Variants in OVCH1 observed in about 807,000 individuals in gnomAD.
The protein encoded by OVCH1 is ovochymase 1, also known as ovochymase-1.
A neutral mutation model predicts 138.4 loss-of-function variants in OVCH1; 139 were observed. The ratio of observed to expected loss-of-function variants is 1.00; its 90% CI spans 0.87 to 1.16. The LOEUF (loss-of-function observed/expected upper bound fraction) is 1.16. Ranked by LOEUF, OVCH1 falls within the 50% of genes most tolerant of loss-of-function variation. OVCH1 has a pLI of 0.00. For missense variants in OVCH1, 1,367 were observed against 1,357.9 expected (o/e 1.01, Z -0.11); for synonymous variants, 453 against 467.8 (o/e 0.97, Z 0.41).
intron 3 of OVCH1, among the ~76,000 whole-genome samples, chr12:29,418,344 T>C (rs1941059186): frequency 6.6e-6 from 1 of 152,202 alleles, no homozygotes; most frequent in African/African-American, 2.4e-5. Context: ...AATTCCTAAG[T>C]ATTTGGAGTA....
At chr12:29,451,373 T>C in exon 22 of OVCH1, 1 of 1,612,994 alleles carries the variant, frequency 6.2e-7, no homozygotes, top group Non-Finnish European at 8.5e-7. Flanking sequence ...TGTGTCTTTC[T>C]TCATAAATAA....
intron 3 of OVCH1, among the ~76,000 whole-genome samples, chr12:29,418,994 AC>A (rs1180443446): frequency 6.6e-6 from 1 of 152,094 alleles, no homozygotes. Flanking sequence ...TGCTGGGACT[AC>A]AAGCCCACAC....
chr12:29,445,366 GAAAGTCATTGAGT>G lies in OVCH1; in HGVS notation c.2780_2792del (p.Tyr927SerfsTer2). 6.2e-7 allele frequency: 1 copy of G among 1,610,848 alleles called. No individual in the cohort carries two copies. The highest frequency in any genetic ancestry group is 8.5e-7 in the Non-Finnish European group (1 of 1,177,556). Reference sequence around the variant, plus strand: ...CCCTCACCAGCGGTCCAGGACTCATGAAAGTCATTGAGTAAAGTCTTCTTCCATGTAATCCACC... The same window carrying G: ...CCCTCACCAGCGGTCCAGGACTCATGAAAGTCTTCTTCCATGTAATCCACC... On this transcript the variant is annotated frameshift_variant, in exon 23 of 28. Transcript: ENST00000318184. LOFTEE classifies it high-confidence loss of function.
intron 16 of OVCH1, among the ~76,000 whole-genome samples, chr12:29,470,419 C>T (rs978937785): frequency 6.6e-6 from 1 of 152,056 alleles, no homozygotes; most frequent in African/African-American, 2.4e-5. Flanking sequence ...CTCCCTGTGT[C>T]CATGTGTTCT....
chr12:29,417,787 G>C (rs1411439756), intron 3 of OVCH1, among the ~76,000 whole-genome samples: 3 of 147,696 alleles, frequency 2.0e-5, no homozygotes, highest in East Asian at 4.0e-4. Flanking sequence ...GTGTGTGTGT[G>C]TGTGTGTCTG....
chr12:29,405,137 TC>T, the OVCH1 span, among the ~76,000 whole-genome samples: 2 of 151,904 alleles, frequency 1.3e-5, no homozygotes, highest in South Asian at 4.2e-4. Flanking sequence ...ATTGACTAAT[TC>T]CTTTTGAGAA....
chr12:29,473,818 C>T (rs1942599166), intron 14 of OVCH1, among the ~76,000 whole-genome samples: 1 of 152,054 alleles, frequency 6.6e-6, no homozygotes, highest in Admixed American at 6.6e-5. Context: ...GGCAGATCCA[C>T]CCTTAATCTG....
intron 21 of OVCH1, among the ~76,000 whole-genome samples, chr12:29,453,550 A>G (rs139812122): frequency 1.4e-3 from 218 of 152,024 alleles, no homozygotes; most frequent in African/African-American, 5.0e-3. Context: ...ATTTTCTCCA[A>G]CCACAACCTT....
chr12:29,412,198 G>A (rs1266927177), downstream of OVCH1, among the ~76,000 whole-genome samples: 2 of 152,098 alleles, frequency 1.3e-5, no homozygotes, highest in Non-Finnish European at 2.9e-5. Context: ...GATTTTCCAG[G>A]TGCCTTCTTT....
intron 22 of OVCH1, among the ~76,000 whole-genome samples, chr12:29,447,265 G>A (rs1941643607): frequency 6.6e-6 from 1 of 151,900 alleles, no homozygotes; most frequent in African/African-American, 2.4e-5. Context: ...AGACCAGCCT[G>A]GGCAAAATAG....
At chr12:29,440,845 C>A (rs545579040) in intron 25 of OVCH1, 101 bp from the exon 26 acceptor site, 71 of 442,176 alleles carry the variant, frequency 1.6e-4, no homozygotes, top group Admixed American at 9.9e-4. Flanking sequence ...GATTTTTTAC[C>A]CACTCTGAGA....
At chr12:29,497,139 C>G (rs934440715) in intron 1 of OVCH1, among the ~76,000 whole-genome samples, 1 of 152,046 alleles carries the variant, frequency 6.6e-6, no homozygotes, top group Non-Finnish European at 1.5e-5. Context: ...TGTGGTGGTA[C>G]GTGCCTATGG....
At chr12:29,455,267 T>A in exon 20 of OVCH1, 1 of 1,612,750 alleles carries the variant, frequency 6.2e-7, no homozygotes, top group Middle Eastern at 1.7e-4. Flanking sequence ...TTTGATTGGA[T>A]CCAGTCCAAG....
At chr12:29,418,386 T>C (rs1941059522) in intron 3 of OVCH1, among the ~76,000 whole-genome samples, 1 of 152,242 alleles carries the variant, frequency 6.6e-6, no homozygotes, top group Non-Finnish European at 1.5e-5. Flanking sequence ...AATTAAAAAT[T>C]AATTTCTTTG....
downstream of OVCH1, chr12:29,426,156 A>G (rs1008624330): frequency 1.3e-5 from 2 of 152,254 alleles, no homozygotes; most frequent in African/African-American, 4.8e-5. Context: ...CAAACATCCC[A>G]CTTTCTAAAT....
intron 4 of OVCH1, among the ~76,000 whole-genome samples, chr12:29,493,243 G>A (rs1384283463): frequency 6.6e-6 from 1 of 152,186 alleles, no homozygotes; most frequent in Non-Finnish European, 1.5e-5. Flanking sequence ...ATCGCCTACT[G>A]TCTTCTGACA....
downstream of OVCH1, chr12:29,427,553 A>G (rs377741932): frequency 2.7e-4 from 415 of 1,551,312 alleles, 3 homozygotes; most frequent in African/African-American, 5.2e-3. Context: ...GTGAGGACCC[A>G]GTGAGAATGG....
At chr12:29,459,893 C>G (rs1313092837) in intron 19 of OVCH1, among the ~76,000 whole-genome samples, 1 of 152,128 alleles carries the variant, frequency 6.6e-6, no homozygotes, top group Non-Finnish European at 1.5e-5. Context: ...TTATTATTCC[C>G]ACCTTCCTGG....
chr12:29,418,397 A>C (rs1941059629), intron 3 of OVCH1, among the ~76,000 whole-genome samples: 1 of 152,240 alleles, frequency 6.6e-6, no homozygotes, highest in Non-Finnish European at 1.5e-5. Context: ...AATTTCTTTG[A>C]AATCTTCTGT....
Sources: allele counts gnomAD v4.1 joint callset (sites outside exome capture counted in the v4.1 genomes callset), GRCh38; gene constraint gnomAD v4.1.1; transcripts MANE v1.5; gene names NCBI Gene and HGNC (gene_info 2026-07-23, HGNC 2026-07-21).